The following TRAPPC9 variants were observed in gnomAD, a reference collection of about 807,000 sequenced individuals.
TRAPPC9 encodes the protein trafficking protein particle complex subunit 9.
Under a neutral mutation model 124.0 loss-of-function variants are expected in TRAPPC9, and 83 were observed. The observed-to-expected ratio is 0.67, with a 90% CI of 0.56 to 0.80. The LOEUF is 0.80. TRAPPC9 is among the 30% of genes least tolerant of loss of function. The probability of loss-of-function intolerance (pLI) is 0.00; values close to 1 mark genes in which losing one functional copy is unlikely to be tolerated. For synonymous variants in TRAPPC9, 638 were observed against 617.5 expected, an observed-to-expected ratio of 1.03 and a Z score of -0.49; for missense variants, 1,302 against 1,508.3, an observed-to-expected ratio of 0.86 and a Z score of 2.27.
rs543228585 is a variant in TRAPPC9, at chr8:140,319,467, G to A, written c.1496-8093C>T. Among the ~76,000 whole-genome samples the A allele has an allele frequency of 2.4e-4, 32 of 133,032 alleles. No individual in the cohort carries two copies. In the East Asian group the frequency reaches 3.4e-3, roughly 14 times the overall value. 87.3% of individuals were successfully genotyped at this position (133,032 alleles called of 152,430 possible). A position where few individuals can be genotyped will look rare whatever the true frequency, so the allele number is the denominator to read the frequency against. ...GCTGGGATTACAGGCTTGAGCCACC[G>A]TGCCCGGCCAACTTTTTGTTTTTTT... On this transcript the variant is annotated intron_variant, in intron 9 of 22. Transcript: ENST00000438773.
chr8:139,972,813 C>A (rs924909849), intron 19 of TRAPPC9, among the ~76,000 whole-genome samples: 2 of 152,210 alleles, frequency 1.3e-5, no homozygotes, highest in African/African-American at 4.8e-5. Context: ...ACAAAAATTT[C>A]TTTTCCCATT....
chr8:140,024,190 T>C (rs920467619), intron 17 of TRAPPC9, 111 bp from the exon 18 acceptor site: 1 of 1,342,528 alleles, frequency 7.4e-7, no homozygotes. Context: ...TAATCCCAAC[T>C]AGTCAAGTCA....
At chr8:140,157,088 TCCATTCAGAAGCCTCCCTTTC>T in intron 17 of TRAPPC9, among the ~76,000 whole-genome samples, 3 of 114,200 alleles carry the variant, frequency 2.6e-5, no homozygotes, top group Non-Finnish European at 3.5e-5. Context: ...GCCTCCCTTT[TCCATTCAGAAGCCTCCCTTTC>T]CATTCAGAAG....
rs1563904423 is a variant in TRAPPC9, at chr8:140,272,377, G to GGTA, written c.2278+3280_2278+3281insTAC. ...AGAGAGTGGTGGTAGTGAGGGTGGT[G>GGTA]GTGATGATGGTGATGGTGGCGATGG... is the stretch of plus-strand genomic sequence containing the variant. On this transcript the variant is annotated intron_variant, in intron 15 of 22. Transcript: ENST00000438773. 1.2e-4 allele frequency among the ~76,000 whole-genome samples: 17 copies of GGTA among 147,238 alleles called. No homozygotes were observed. The South Asian group carries it at 1.6e-3, about 14-fold the overall frequency.
At chr8:140,432,806 AGG>A (rs1319183583) in intron 4 of TRAPPC9, among the ~76,000 whole-genome samples, 1 of 151,936 alleles carries the variant, frequency 6.6e-6, no homozygotes, top group Non-Finnish European at 1.5e-5. Context: ...CGGGAGGCGG[AGG>A]TTGCAGTGAG....
intron 18 of TRAPPC9, 104 bp downstream of exon 18, chr8:140,023,832 CG>C: frequency 6.4e-7 from 1 of 1,561,428 alleles, no homozygotes; most frequent in Non-Finnish European, 8.8e-7. Flanking sequence ...CCCCATGGCA[CG>C]GATCTGACGG....
At chr8:140,361,585 T>C (rs1377037146) in intron 8 of TRAPPC9, among the ~76,000 whole-genome samples, 1 of 152,250 alleles carries the variant, frequency 6.6e-6, no homozygotes, top group African/African-American at 2.4e-5. Flanking sequence ...ATATTATTAT[T>C]CAATGAATAT....
intron 2 of TRAPPC9, among the ~76,000 whole-genome samples, chr8:140,447,211 A>C (rs889139649): frequency 1.3e-5 from 2 of 152,242 alleles, no homozygotes; most frequent in Non-Finnish European, 2.9e-5. Context: ...TACAGACTGA[A>C]CAAGATCCCC....
intron 6 of TRAPPC9, among the ~76,000 whole-genome samples, chr8:140,401,071 T>C (rs1490399332): frequency 1.3e-5 from 2 of 152,214 alleles, no homozygotes; most frequent in East Asian, 1.9e-4. Flanking sequence ...AACACACTAA[T>C]ATTCTTTTGC....
At chr8:140,096,651 C>G (rs535642092) in intron 17 of TRAPPC9, 1 of 152,320 alleles carries the variant, frequency 6.6e-6, no homozygotes, top group South Asian at 2.1e-4. Flanking sequence ...TTGCCATCAA[C>G]AAAGTCAGGG....
At chr8:139,978,506 A>G (rs1836643118) in intron 19 of TRAPPC9, among the ~76,000 whole-genome samples, 1 of 152,246 alleles carries the variant, frequency 6.6e-6, no homozygotes, top group African/African-American at 2.4e-5. Flanking sequence ...ATGAAATAAT[A>G]TGATTGATTG....
intron 5 of TRAPPC9, among the ~76,000 whole-genome samples, chr8:140,421,984 CAAAAAAAAAAAAAA>C (rs35152459): frequency 1.8e-4 from 8 of 43,986 alleles, no homozygotes; most frequent in African/African-American, 7.5e-4. Flanking sequence ...TCCCTCATGA[CAAAAAAAAAAAAAA>C]AAAAAAAAAA....
intron 16 of TRAPPC9, among the ~76,000 whole-genome samples, chr8:140,238,174 C>T (rs1229586863): frequency 6.6e-6 from 1 of 152,166 alleles, no homozygotes; most frequent in Non-Finnish European, 1.5e-5. Flanking sequence ...ACGTCGGTTC[C>T]GGCTGCCTGC....
chr8:139,740,037 C>T (rs1303916774), intron 21 of TRAPPC9, among the ~76,000 whole-genome samples: 1 of 152,214 alleles, frequency 6.6e-6, no homozygotes, highest in African/African-American at 2.4e-5. Flanking sequence ...CATGAGGGAC[C>T]AGGGCCATGT....
At chr8:140,042,789 C>T (rs116322707) in intron 17 of TRAPPC9, among the ~76,000 whole-genome samples, 176 of 152,358 alleles carry the variant, frequency 1.2e-3, no homozygotes, top group African/African-American at 3.8e-3. Flanking sequence ...AGTTATTCAA[C>T]GACTCTTCTA....
intron 18 of TRAPPC9, among the ~76,000 whole-genome samples, chr8:139,997,426 C>G (rs1209670224): frequency 7.1e-6 from 1 of 140,954 alleles, no homozygotes; most frequent in Admixed American, 7.1e-5. Context: ...TGCATCCTAC[C>G]CAGGAGAACA....
intron 9 of TRAPPC9, among the ~76,000 whole-genome samples, chr8:140,341,777 C>T (rs956110037): frequency 6.6e-6 from 1 of 151,992 alleles, no homozygotes; most frequent in African/African-American, 2.4e-5. Context: ...GGAAGGGGGG[C>T]TAGTGCTCCA....
At chr8:140,390,749 C>G (rs2068902532) in intron 7 of TRAPPC9, among the ~76,000 whole-genome samples, 1 of 152,228 alleles carries the variant, frequency 6.6e-6, no homozygotes, top group South Asian at 2.1e-4. Context: ...ATATACCAGA[C>G]TCTTGTTCAT....
chr8:139,936,593 C>T (rs4736012), intron 19 of TRAPPC9, among the ~76,000 whole-genome samples: 55,486 of 152,126 alleles, frequency 0.36, 12,324 homozygotes, highest in Non-Finnish European at 0.48. Flanking sequence ...GACTGAGAGC[C>T]GAAAGGTAAG....
Sources: allele counts gnomAD v4.1 joint callset (sites outside exome capture counted in the v4.1 genomes callset), GRCh38; gene constraint gnomAD v4.1.1; transcripts MANE v1.5; gene names NCBI Gene and HGNC (gene_info 2026-07-23, HGNC 2026-07-21).